SNX1: variants seen among roughly 807,000 people sequenced by gnomAD.
The protein encoded by SNX1 is sorting nexin 1, also known as sorting nexin-1.
SNX1 carries 36 observed loss-of-function variants against 71.8 expected under a neutral mutation model. The observed-to-expected ratio is 0.50, with a 90% CI of 0.38 to 0.66. The LOEUF is 0.66. Among genes scored for constraint, SNX1 ranks in the 30% least tolerant of loss-of-function variants. The pLI is 0.00. For synonymous variants in SNX1, 254 were observed against 240.7 expected (o/e 1.06, Z -0.51); for missense variants, 612 against 646.7 (o/e 0.95, Z 0.58).
At chr15:64,097,610 A>G (rs1384157535) in intron 1 of SNX1, among the ~76,000 whole-genome samples, 4 of 152,180 alleles carry the variant, frequency 2.6e-5, no homozygotes, top group African/African-American at 4.8e-5. Context: ...AGAGTTAGGT[A>G]TTAGAAAAAA....
intron 2 of SNX1, among the ~76,000 whole-genome samples, chr15:64,113,271 A>G (rs2081096028): frequency 6.6e-6 from 1 of 152,210 alleles, no homozygotes; most frequent in South Asian, 2.1e-4. Context: ...AGCACTATTA[A>G]CATTTTGGGC....
At position 64,137,574 on chromosome 15, in the gene SNX1, A is replaced by T. The variant is rs1419285805; in HGVS notation, c.1525A>T (p.Lys509Ter). 1 of 1,614,126 alleles carries T rather than the reference A, an allele frequency of 6.2e-7. No individual in the cohort carries two copies. ...TGTCCCCACTTCTTTGCAGCTGGCA[A>T]AGTACTGGGAAGCCTTCCTTCCTGA... ...TLLYSQQQLA[K>*]YWEAFLPEAK... The change falls in exon 15 of 15, where the codon AAG becomes TAG. Residue 509 changes from lysine to a stop codon, truncating the protein, a stop_gained. Transcript: ENST00000559844. LOFTEE classifies it high-confidence loss of function.
chr15:64,137,544 C>A (rs371424280), intron 14 of SNX1, 24 bp from the exon 15 acceptor site: 5 of 1,613,938 alleles, frequency 3.1e-6, no homozygotes, highest in Non-Finnish European at 3.4e-6. Flanking sequence ...GGGGCACTTG[C>A]TTAATGTCCC....
At chr15:64,114,292 A>C (rs2081107330) in intron 2 of SNX1, among the ~76,000 whole-genome samples, 1 of 152,182 alleles carries the variant, frequency 6.6e-6, no homozygotes, top group Non-Finnish European at 1.5e-5. Context: ...CAGGAAAGGA[A>C]AGGTGAAAAC....
chr15:64,115,929 C>A (rs1286078468), intron 2 of SNX1, among the ~76,000 whole-genome samples: 1 of 152,184 alleles, frequency 6.6e-6, no homozygotes, highest in African/African-American at 2.4e-5. Context: ...ACGCATACTT[C>A]AACTGGTTGC....
intron 8 of SNX1, 55 bp downstream of exon 8, chr15:64,127,861 G>A (rs2081270047): frequency 8.8e-6 from 12 of 1,365,020 alleles, no homozygotes; most frequent in South Asian, 4.7e-5. Context: ...CTAGTGAAAC[G>A]AAACTAGTTC....
chr15:64,115,926 C>T (rs16947784), intron 2 of SNX1, among the ~76,000 whole-genome samples: 2 of 152,238 alleles, frequency 1.3e-5, no homozygotes, highest in East Asian at 3.9e-4. Flanking sequence ...CCTACGCATA[C>T]TTCAACTGGT....
Position 64,138,097 on chromosome 15 carries a change from G to A in SNX1, c.*479G>A, listed in dbSNP as rs1361554147. 6.5e-7 allele frequency: 1 copy of A among 1,535,884 alleles called. No individual in the cohort carries two copies. The highest frequency in any genetic ancestry group is 8.7e-7 in the Non-Finnish European group (1 of 1,146,860). ...ATACTCCTAACCAAGAAGTTGCCCA[G>A]GTATAGTAAGTTTTTCTCTACCGTT... is the stretch of plus-strand genomic sequence containing the variant. On this transcript the variant is annotated 3_prime_UTR_variant, in exon 15 of 15. Coordinates refer to ENST00000559844, the MANE Select transcript of SNX1 (RefSeq NM_003099.5).
intron 2 of SNX1, among the ~76,000 whole-genome samples, chr15:64,117,760 C>T (rs765964126): frequency 6.6e-6 from 1 of 152,016 alleles, no homozygotes; most frequent in Non-Finnish European, 1.5e-5. Flanking sequence ...CCACTGCACT[C>T]CAACCTGGGT....
intron 4 of SNX1, among the ~76,000 whole-genome samples, chr15:64,121,626 C>T (rs1385384809): frequency 1.3e-5 from 2 of 152,136 alleles, no homozygotes; most frequent in Non-Finnish European, 2.9e-5. Flanking sequence ...GGAGTTAGAA[C>T]GTAAAATGTA....
intron 1 of SNX1, among the ~76,000 whole-genome samples, chr15:64,103,184 C>T (rs568294103): frequency 2.0e-3 from 299 of 152,192 alleles, no homozygotes; most frequent in African/African-American, 7.0e-3. Context: ...AATATATATG[C>T]TTTGATATAT....
chr15:64,110,274 G>C (rs1278422682), intron 1 of SNX1, among the ~76,000 whole-genome samples: 1 of 152,212 alleles, frequency 6.6e-6, no homozygotes, highest in African/African-American at 2.4e-5. Context: ...AGCTCTCTTA[G>C]AACTCAGCCA....
intron 1 of SNX1, among the ~76,000 whole-genome samples, chr15:64,106,324 C>T (rs527865648): frequency 3.9e-5 from 6 of 152,188 alleles, no homozygotes; most frequent in Admixed American, 6.5e-5. Flanking sequence ...AGTTTAACTC[C>T]TTAAGCTATG....
At chr15:64,125,913 A>G (rs967448930) in intron 5 of SNX1, among the ~76,000 whole-genome samples, 166 bp from the exon 6 acceptor site, 3 of 152,216 alleles carry the variant, frequency 2.0e-5, no homozygotes, top group Admixed American at 2.0e-4. Context: ...AAGGGGAACT[A>G]TAGTTTTAAA....
At chr15:64,132,945 G>A (rs2081321885) in intron 11 of SNX1, among the ~76,000 whole-genome samples, 1 of 152,210 alleles carries the variant, frequency 6.6e-6, no homozygotes, top group Admixed American at 6.5e-5. Context: ...GCCAGCTGCA[G>A]GAAGGGCACC....
rs183067502 is a variant in SNX1, at chr15:64,123,589, T to A, written c.510+43T>A. The A allele has an allele frequency of 2.6e-5, 40 of 1,511,862 alleles. No individual in the cohort carries two copies. The East Asian group carries it at 8.3e-4, about 31-fold the overall frequency. 93.7% of individuals were successfully genotyped at this position (1,511,862 alleles called of 1,614,324 possible). On this transcript the variant is annotated intron_variant, in intron 5 of 14. Transcript: ENST00000559844. ...TGCTGATGACCATCTTCATAGACTT[T>A]GGTGCTTATACCAAGGTCATCATTC...
chr15:64,103,810 G>A (rs547464420), intron 1 of SNX1, among the ~76,000 whole-genome samples: 1 of 152,140 alleles, frequency 6.6e-6, no homozygotes, highest in Non-Finnish European at 1.5e-5. Context: ...CTTGATATTA[G>A]CCCTTCTCTG....
At chr15:64,125,291 C>T (rs573623813) in intron 5 of SNX1, among the ~76,000 whole-genome samples, 12 of 151,976 alleles carry the variant, frequency 7.9e-5, no homozygotes, top group East Asian at 1.9e-4. Flanking sequence ...GGTGAAACCC[C>T]ATCTCTACTA....
At chr15:64,137,500 C>T (rs2081371014) in intron 14 of SNX1, 68 bp from the exon 15 acceptor site, 29 of 1,584,916 alleles carry the variant, frequency 1.8e-5, no homozygotes, top group Non-Finnish European at 2.5e-5. Flanking sequence ...GTGCTTGATT[C>T]CTCCCAGGCT....
Sources: allele counts gnomAD v4.1 joint callset (sites outside exome capture counted in the v4.1 genomes callset), GRCh38; gene constraint gnomAD v4.1.1; transcripts MANE v1.5; gene names NCBI Gene and HGNC (gene_info 2026-07-23, HGNC 2026-07-21).